The following PLA2G1B variants were observed in gnomAD, a reference collection of about 807,000 sequenced individuals.
PLA2G1B encodes phospholipase A2.
In PLA2G1B, 12 loss-of-function variants were observed where a neutral mutation model predicts 12.5. The ratio of observed to expected loss-of-function variants is 0.96; its 90% confidence interval spans 0.62 to 1.56. PLA2G1B has a LOEUF of 1.56. Among genes scored for constraint, PLA2G1B ranks in the 40% most tolerant of loss-of-function variants. PLA2G1B has a pLI of 0.00. For missense variants in PLA2G1B, 189 were observed against 186.7 expected (o/e 1.01, Z -0.07); for synonymous variants, 81 against 73.4 (o/e 1.10, Z -0.53).
intron 3 of PLA2G1B, among the ~76,000 whole-genome samples, chr12:120,322,957 T>A (rs948944303): frequency 1.6e-4 from 25 of 152,150 alleles, no homozygotes; most frequent in African/African-American, 5.3e-4. Flanking sequence ...ACATAGACAT[T>A]TAGAAAAATT....
intron 1 of PLA2G1B, 97 bp from the exon 2 acceptor site, chr12:120,326,117 C>G: frequency 7.6e-7 from 1 of 1,309,546 alleles, no homozygotes; most frequent in Admixed American, 1.8e-5. Context: ...CCTCCCTGAC[C>G]CCTGCCAGCT....
At position 120,322,163 on chromosome 12, in the gene PLA2G1B, G is replaced by T; in HGVS notation, c.*30C>A. ...GGAGAGTACAGTGTGAGATGAGGCAGATAGAGGTGATGCTTTTGAGAGGTG... is the reference window on the plus strand; with the variant it reads ...GGAGAGTACAGTGTGAGATGAGGCATATAGAGGTGATGCTTTTGAGAGGTG... On this transcript the variant is annotated 3_prime_UTR_variant, in exon 4 of 4. Coordinates refer to ENST00000308366, the MANE Select transcript of PLA2G1B (RefSeq NM_000928.3). The T allele has an allele frequency of 1.2e-6, 2 of 1,611,402 alleles. No homozygotes were observed. The highest frequency in any genetic ancestry group is 1.7e-6 in the Non-Finnish European group (2 of 1,178,078).
At chr12:120,325,184 T>C in intron 2 of PLA2G1B, 123 bp from the exon 3 acceptor site, 3 of 910,286 alleles carry the variant, frequency 3.3e-6, no homozygotes, top group Non-Finnish European at 5.1e-6. Flanking sequence ...GAAATGATCC[T>C]ATGGCTTGAA....
chr12:120,325,905 G>T lies in PLA2G1B; in HGVS notation c.150C>A (p.Tyr50Ter), dbSNP rs568060146. ...PFLEYNNYGC[Y>*]CGLGGSGTPV... ...GGGTGCCTGAGCCCCCCAAGCCACA[G>T]TAGCAGCCGTAGTTGTTGTATTCCA... Residue 50 changes from tyrosine (Y) to a stop codon, truncating the protein, a stop_gained, in exon 2 of 4, where the codon TAC (tyrosine) becomes TAA (stop). Transcript: ENST00000308366. LOFTEE classifies it high-confidence loss of function. 6.2e-7 allele frequency: 1 copy of T among 1,614,190 alleles called. No individual in the cohort carries two copies. The highest frequency in any genetic ancestry group is 1.3e-5 in the African/African-American group (1 of 75,054).
At chr12:120,325,659 C>CT (rs1873326586) in intron 2 of PLA2G1B, among the ~76,000 whole-genome samples, 2 of 152,202 alleles carry the variant, frequency 1.3e-5, no homozygotes. Context: ...CTGTTTTGCA[C>CT]GTCGGTCATT....
chr12:120,322,550 C>A (rs1211730887), intron 3 of PLA2G1B, among the ~76,000 whole-genome samples: 1 of 152,144 alleles, frequency 6.6e-6, no homozygotes, highest in Non-Finnish European at 1.5e-5. Context: ...CATTGCTTAT[C>A]TGAAAGTCAT....
At position 120,326,080 on chromosome 12, in the gene PLA2G1B, C is replaced by T. The variant is rs1241575524; in HGVS notation, c.35-60G>A. ...TGCCAGCACCCCGGGGACACACTGC[C>T]TTCCTGCTCCCTCGGGTCCCACGCT... On this transcript the variant is annotated intron_variant, in intron 1 of 3. Transcript: ENST00000308366. The T allele has an allele frequency of 4.5e-6, 7 of 1,571,972 alleles. No individual in the cohort carries two copies. The East Asian group carries it at 1.6e-4, about 35-fold the overall frequency.
intron 1 of PLA2G1B, among the ~76,000 whole-genome samples, chr12:120,327,466 C>A (rs1279224352): frequency 6.6e-6 from 1 of 152,118 alleles, no homozygotes; most frequent in Non-Finnish European, 1.5e-5. Context: ...TAGAGCAAGA[C>A]CCTGTCTGGA....
At chr12:120,323,226 C>T (rs1873272006) in intron 3 of PLA2G1B, among the ~76,000 whole-genome samples, 1 of 152,064 alleles carries the variant, frequency 6.6e-6, no homozygotes, top group Non-Finnish European at 1.5e-5. Context: ...TGCTTACCTT[C>T]AGGAATCTTA....
chr12:120,322,402 C>G (rs1456684878), intron 3 of PLA2G1B, 85 bp from the exon 4 acceptor site: 2 of 1,301,280 alleles, frequency 1.5e-6, no homozygotes, highest in Admixed American at 4.3e-5. Flanking sequence ...CTGGAATAAG[C>G]TGGCAGCCAT....
chr12:120,322,697 C>G (rs1289533755), intron 3 of PLA2G1B, among the ~76,000 whole-genome samples: 6 of 152,064 alleles, frequency 3.9e-5, no homozygotes. Flanking sequence ...AGTGATACTC[C>G]TGCCTCAGAC....
intron 1 of PLA2G1B, 25 bp from the exon 2 acceptor site, chr12:120,326,045 C>A: frequency 6.2e-7 from 1 of 1,611,192 alleles, no homozygotes; most frequent in South Asian, 1.1e-5. Context: ...AGCCAGAGTT[C>A]AAATCGGTCT....
At chr12:120,326,132 C>T in intron 1 of PLA2G1B, 112 bp from the exon 2 acceptor site, 4 of 1,071,936 alleles carry the variant, frequency 3.7e-6, no homozygotes, top group Non-Finnish European at 5.5e-6. Flanking sequence ...CCAGCTGCCT[C>T]CTCTGAAGAC....
rs1873313334 is a variant in PLA2G1B at position 120,325,035 on chromosome 12, T to C, written c.221A>G (p.Tyr74Cys). 1 of 1,614,008 alleles carries C rather than the reference T, an allele frequency of 6.2e-7. No individual in the cohort carries two copies. Among genetic ancestry groups the C allele is most frequent in the Non-Finnish European group, 8.5e-7 (1 of 1,179,982 alleles). The change falls in exon 3 of 4, where the codon TAT becomes TGT. Residue 74 changes from tyrosine (Y) to cysteine (C), a missense_variant. Transcript: ENST00000308366. Reference sequence around the variant, plus strand: ...GCTGTCCAGCTTCTTGGCCTGGTCATAGCAGTTGTCATGTGTCTGGCAGCA... The same window carrying C: ...GCTGTCCAGCTTCTTGGCCTGGTCACAGCAGTTGTCATGTGTCTGGCAGCA... ...DKCCQTHDNC[Y>C]DQAKKLDSCK...
At chr12:120,326,399 G>C (rs1457234887) in intron 1 of PLA2G1B, among the ~76,000 whole-genome samples, 2 of 143,024 alleles carry the variant, frequency 1.4e-5, no homozygotes, top group Non-Finnish European at 3.0e-5. Context: ...TTGGAGTGCA[G>C]TGACACGATT....
chr12:120,322,231 G>C lies in PLA2G1B; in HGVS notation c.409C>G (p.His137Asp). The change falls in exon 4 of 4, where the codon CAC (histidine) becomes GAC (aspartate). Residue 137 changes from histidine (H) to aspartate (D), a missense_variant. Coordinates refer to ENST00000308366, the MANE Select transcript of PLA2G1B (RefSeq NM_000928.3). ...CFSKAPYNKAHKNLDTKKYCQ... is the reference protein window; with the variant it reads ...CFSKAPYNKADKNLDTKKYCQ... ...TACTTCTTGGTGTCCAGGTTCTTGT[G>C]TGCCTTGTTATATGGAGCTTTTGAA... The C allele has an allele frequency of 6.2e-7, 1 of 1,614,084 alleles. No individual in the cohort carries two copies. Among genetic ancestry groups the C allele is most frequent in the Non-Finnish European group, 8.5e-7 (1 of 1,179,984 alleles).
intron 3 of PLA2G1B, 45 bp downstream of exon 3, chr12:120,324,889 T>G (rs1242120781): frequency 1.2e-6 from 2 of 1,607,190 alleles, no homozygotes; most frequent in Middle Eastern, 1.7e-4. Flanking sequence ...CCCGGCCTAC[T>G]GAGAACCAAC....
intron 1 of PLA2G1B, among the ~76,000 whole-genome samples, chr12:120,327,309 TAAAATA>T (rs1386538906): frequency 1.3e-5 from 2 of 151,170 alleles, no homozygotes; most frequent in Non-Finnish European, 2.9e-5. Flanking sequence ...TAAAATAAAG[TAAAATA>T]AAAATAAAAA....
At position 120,324,678 on chromosome 12, in the gene PLA2G1B, C is replaced by CA. The variant is rs200968497; in HGVS notation, c.322+255dup. On this transcript the variant is annotated intron_variant, in intron 3 of 3. Transcript: ENST00000308366. Reference sequence around the variant, plus strand: ...GCAAGACCCTGTCTCTAAACAACAACAAAAAAAAACCCAAACTGTCACCAC... The same window carrying CA: ...GCAAGACCCTGTCTCTAAACAACAACAAAAAAAAAACCCAAACTGTCACCAC... Among the ~76,000 whole-genome samples the CA allele has an allele frequency of 9.4e-3, 1,417 of 150,930 alleles. 16 individuals carry two copies. Among genetic ancestry groups the CA allele is most frequent in the African/African-American group, 0.031 (1,280 of 41,144 alleles).
Sources: allele counts gnomAD v4.1 joint callset (sites outside exome capture counted in the v4.1 genomes callset), GRCh38; gene constraint gnomAD v4.1.1; transcripts MANE v1.5; gene names NCBI Gene and HGNC (gene_info 2026-07-23, HGNC 2026-07-21).